The following IGFBP7 variants were observed in gnomAD, a reference collection of about 807,000 sequenced individuals.
The protein encoded by IGFBP7 is insulin like growth factor binding protein 7, also known as insulin-like growth factor-binding protein 7.
IGFBP7 carries 31 observed loss-of-function variants against 29.4 expected under a neutral mutation model. The observed-to-expected ratio is 1.05, with a 90% CI of 0.79 to 1.42. The LOEUF (loss-of-function observed/expected upper bound fraction) is 1.42, where lower values mean the gene tolerates loss of function less well. IGFBP7 is among the 40% of genes most tolerant of loss of function. The probability of loss-of-function intolerance (pLI) is 0.00; values close to 1 mark genes in which losing one functional copy is unlikely to be tolerated. For missense variants in IGFBP7, 393 were observed against 395.5 expected (o/e 0.99, Z 0.05); for synonymous variants, 172 against 174.9 (o/e 0.98, Z 0.13).
At chr4:57,088,855 C>G (rs777713262) in intron 1 of IGFBP7, among the ~76,000 whole-genome samples, 12 of 151,810 alleles carry the variant, frequency 7.9e-5, no homozygotes, top group Non-Finnish European at 1.0e-4. Context: ...CGTGCTGAAA[C>G]CCCATCTCTA....
chr4:57,046,465 T>G (rs1242039367), intron 1 of IGFBP7, among the ~76,000 whole-genome samples: 6 of 152,192 alleles, frequency 3.9e-5, no homozygotes, highest in Non-Finnish European at 7.3e-5. Context: ...AAGAAATTTT[T>G]AGGTCACTCT....
chr4:57,087,560 T>A (rs1725527217), intron 1 of IGFBP7, among the ~76,000 whole-genome samples: 1 of 152,010 alleles, frequency 6.6e-6, no homozygotes, highest in Non-Finnish European at 1.5e-5. Context: ...AGGGGAGGAG[T>A]GGACCAGAGG....
intron 2 of IGFBP7, among the ~76,000 whole-genome samples, chr4:57,037,354 C>G (rs1197154015): frequency 2.0e-5 from 3 of 148,940 alleles, no homozygotes; most frequent in Non-Finnish European, 1.5e-5. Flanking sequence ...CAGCACCCAT[C>G]TCGTTGACTG....
intron 1 of IGFBP7, among the ~76,000 whole-genome samples, chr4:57,071,004 C>T (rs186626872): frequency 3.9e-5 from 6 of 152,260 alleles, no homozygotes; most frequent in Admixed American, 3.3e-4. Flanking sequence ...CACACTACTT[C>T]ATATTTCTTC....
chr4:57,032,645 A>C, intron 3 of IGFBP7, 93 bp from the exon 4 acceptor site: 1 of 1,013,458 alleles, frequency 9.9e-7, no homozygotes, highest in Non-Finnish European at 1.6e-6. Flanking sequence ...ATTTCCTAAG[A>C]TGACCAGGGG....
chr4:57,090,422 A>C (rs1303539735), intron 1 of IGFBP7, among the ~76,000 whole-genome samples: 10 of 152,214 alleles, frequency 6.6e-5, no homozygotes, highest in Non-Finnish European at 1.5e-4. Flanking sequence ...GTTGAAACAC[A>C]CACACAAACA....
intron 1 of IGFBP7, among the ~76,000 whole-genome samples, chr4:57,042,953 G>A (rs1046436279): frequency 1.3e-5 from 2 of 152,222 alleles, no homozygotes; most frequent in Non-Finnish European, 2.9e-5. Context: ...CAGAGCTGAT[G>A]CAAGTAACCC....
chr4:57,061,239 G>A (rs373525510), intron 1 of IGFBP7, among the ~76,000 whole-genome samples: 1 of 151,934 alleles, frequency 6.6e-6, no homozygotes, highest in African/African-American at 2.4e-5. Flanking sequence ...AACCCCCAGT[G>A]GATGCCTGAA....
intron 1 of IGFBP7, among the ~76,000 whole-genome samples, chr4:57,057,415 C>T (rs1412800136): frequency 6.6e-6 from 1 of 152,228 alleles, no homozygotes; most frequent in Non-Finnish European, 1.5e-5. Context: ...TATTGTAGAA[C>T]TTCCAAAGGC....
At chr4:57,053,407 G>T (rs982655280) in intron 1 of IGFBP7, among the ~76,000 whole-genome samples, 1 of 152,174 alleles carries the variant, frequency 6.6e-6, no homozygotes. Context: ...TGACTCCAGG[G>T]TGTGGTTCTT....
chr4:57,054,300 T>C (rs774398190), intron 1 of IGFBP7, among the ~76,000 whole-genome samples: 1 of 139,324 alleles, frequency 7.2e-6, no homozygotes, highest in Admixed American at 7.0e-5. Flanking sequence ...CCGTAGGCCC[T>C]GCGCTGACTA....
chr4:57,053,630 G>A (rs895196218), intron 1 of IGFBP7, among the ~76,000 whole-genome samples: 1 of 152,118 alleles, frequency 6.6e-6, no homozygotes, highest in African/African-American at 2.4e-5. Context: ...GCTCCCCTAG[G>A]AAGCTGGAAT....
chr4:57,047,225 G>A (rs1483854168), intron 1 of IGFBP7, among the ~76,000 whole-genome samples: 1 of 152,210 alleles, frequency 6.6e-6, no homozygotes, highest in South Asian at 2.1e-4. Context: ...TAGCGACTAA[G>A]TCTCATGAGA....
At chr4:57,037,455 C>A (rs530551734) in intron 2 of IGFBP7, among the ~76,000 whole-genome samples, 1 of 151,612 alleles carries the variant, frequency 6.6e-6, no homozygotes, top group South Asian at 2.1e-4. Context: ...TAGCTCACTG[C>A]AGCCCCACCT....
chr4:57,078,867 T>C (rs1293869261), intron 1 of IGFBP7, among the ~76,000 whole-genome samples: 2 of 152,078 alleles, frequency 1.3e-5, no homozygotes, highest in Non-Finnish European at 2.9e-5. Flanking sequence ...CCAACAAAGC[T>C]GTTAGGGCTC....
Position 57,110,075 on chromosome 4 carries a change from T to C in IGFBP7, c.277A>G (p.Arg93Gly). 1 of 1,556,224 alleles carries C rather than the reference T, an allele frequency of 6.4e-7. No individual in the cohort carries two copies. ...GCTGCCCCGGCTTTACCCTTCCGCC[T>C]CTTGCGGCTCTTCACGCACTCCATG... ...PGMECVKSRK[R>G]RKGKAGAAAG... Residue 93 changes from arginine (R) to glycine (G), a missense_variant, in exon 1 of 5, where the codon AGG becomes GGG. Arg to Gly is a moderately radical substitution (Grantham distance 125, BLOSUM62 -2). Coordinates refer to ENST00000295666, the MANE Select transcript of IGFBP7 (RefSeq NM_001553.3).
chr4:57,072,892 G>A (rs1322802485), intron 1 of IGFBP7: 6 of 680,226 alleles, frequency 8.8e-6, no homozygotes, highest in East Asian at 6.4e-5. Context: ...AGTTCCTCAC[G>A]CCCTGCTACC....
intron 1 of IGFBP7, among the ~76,000 whole-genome samples, chr4:57,085,207 C>G (rs77138081): frequency 0.012 from 1,826 of 151,610 alleles, 39 homozygotes; most frequent in African/African-American, 0.043. Context: ...AAATGTAGTT[C>G]TACATTTTTC....
intron 2 of IGFBP7, among the ~76,000 whole-genome samples, chr4:57,038,204 AGGTGACC>A (rs1385419466): frequency 6.6e-6 from 1 of 152,234 alleles, no homozygotes; most frequent in Non-Finnish European, 1.5e-5. Context: ...AGAGCTTAGC[AGGTGACC>A]CGACCTGGGC....
Sources: gnomAD v4.1 joint callset for allele counts (sites outside exome capture counted in the v4.1 genomes callset) on GRCh38, gnomAD v4.1.1 for gene constraint, MANE v1.5 for transcripts, NCBI Gene and HGNC (gene_info 2026-07-23, HGNC 2026-07-21) for gene names.